ZNF804B: variants seen among roughly 807,000 people sequenced by gnomAD.
ZNF804B encodes zinc finger 804B.
Under a neutral mutation model 101.4 loss-of-function variants are expected in ZNF804B, and 80 were observed. The observed-to-expected ratio is 0.79, with a 90% confidence interval of 0.66 to 0.95. The LOEUF is 0.95. ZNF804B is among the 40% of genes least tolerant of loss of function. The pLI, the probability that ZNF804B is intolerant of heterozygous loss-of-function variation, is 0.00. For missense variants in ZNF804B, 1,673 were observed against 1,561.9 expected (o/e 1.07, Z -1.20); for synonymous variants, 622 against 558.8 (o/e 1.11, Z -1.59).
intron 1 of ZNF804B, among the ~76,000 whole-genome samples, chr7:88,970,323 G>A (rs1322005823): frequency 6.8e-6 from 1 of 147,108 alleles, no homozygotes; most frequent in East Asian, 2.0e-4. Flanking sequence ...AGCCCCACAT[G>A]CATTAGCTAT....
At chr7:89,141,383 A>G (rs551367254) in intron 1 of ZNF804B, among the ~76,000 whole-genome samples, 35 of 152,210 alleles carry the variant, frequency 2.3e-4, no homozygotes, top group Admixed American at 2.6e-4. Context: ...TCTGTGAAGT[A>G]TAATAAAGTG....
intron 1 of ZNF804B, among the ~76,000 whole-genome samples, chr7:89,017,698 A>T (rs1455527893): frequency 1.3e-5 from 2 of 152,020 alleles, no homozygotes. Context: ...AATTTCTTTC[A>T]TCAGTGTTGT....
At chr7:89,015,093 C>T (rs919966961) in intron 1 of ZNF804B, among the ~76,000 whole-genome samples, 4 of 152,074 alleles carry the variant, frequency 2.6e-5, no homozygotes, top group Admixed American at 1.3e-4. Flanking sequence ...CCCAGAACAA[C>T]TTAAGAGGGT....
chr7:89,192,748 C>A (rs1215643299), intron 1 of ZNF804B, among the ~76,000 whole-genome samples: 1 of 151,978 alleles, frequency 6.6e-6, no homozygotes, highest in Non-Finnish European at 1.5e-5. Flanking sequence ...ATGCAAACAT[C>A]CTCAACAAAA....
chr7:89,262,828 A>G (rs1443807418), intron 2 of ZNF804B, among the ~76,000 whole-genome samples: 1 of 152,212 alleles, frequency 6.6e-6, no homozygotes, highest in African/African-American at 2.4e-5. Context: ...TTAGTCTTAT[A>G]TAGGTATAAT....
intron 1 of ZNF804B, among the ~76,000 whole-genome samples, chr7:88,808,158 G>T (rs1026580568): frequency 1.3e-5 from 2 of 152,156 alleles, no homozygotes; most frequent in African/African-American, 4.8e-5. Context: ...TTAGGAGGCT[G>T]AGGCGGGCGG....
At chr7:88,821,317 AC>A (rs2115760004) in intron 1 of ZNF804B, among the ~76,000 whole-genome samples, 1 of 152,290 alleles carries the variant, frequency 6.6e-6, no homozygotes, top group South Asian at 2.1e-4. Flanking sequence ...CTTAAATCCT[AC>A]TTTAAATAAA....
At chr7:89,316,459 AC>A (rs1159904211) in intron 2 of ZNF804B, among the ~76,000 whole-genome samples, 1 of 152,026 alleles carries the variant, frequency 6.6e-6, no homozygotes, top group East Asian at 1.9e-4. Flanking sequence ...GGGGTCCCCA[AC>A]CCTTGGGCCA....
At chr7:89,332,499 A>G (rs151219498) in intron 3 of ZNF804B, among the ~76,000 whole-genome samples, 1 of 151,984 alleles carries the variant, frequency 6.6e-6, no homozygotes, top group African/African-American at 2.4e-5. Context: ...AAATGATGTG[A>G]TTTGTATTGT....
At chr7:88,834,637 T>C (rs1054946947) in intron 1 of ZNF804B, among the ~76,000 whole-genome samples, 1 of 146,102 alleles carries the variant, frequency 6.8e-6, no homozygotes, top group African/African-American at 2.6e-5. Context: ...TTTATTGAAC[T>C]ATACGCTCAC....
intron 1 of ZNF804B, among the ~76,000 whole-genome samples, chr7:88,919,234 A>G (rs572274173): frequency 1.3e-5 from 2 of 152,182 alleles, no homozygotes; most frequent in Admixed American, 6.6e-5. Context: ...CTTAAGCCAT[A>G]CTTACTCACA....
chr7:88,919,338 A>G (rs1792685371), intron 1 of ZNF804B, among the ~76,000 whole-genome samples: 1 of 152,166 alleles, frequency 6.6e-6, no homozygotes, highest in Admixed American at 6.6e-5. Flanking sequence ...AAATAGGAAA[A>G]GAAGTTTTAA....
chr7:89,334,079 C>G lies in ZNF804B; in HGVS notation c.1097C>G (p.Ser366Cys), dbSNP rs1791031998. 6.2e-7 allele frequency: 1 copy of G among 1,613,556 alleles called. No homozygotes were observed. The highest frequency in any genetic ancestry group is 1.3e-5 in the African/African-American group (1 of 74,892). Residue 366 changes from serine (S) to cysteine (C), a missense_variant, in exon 4 of 4, where the codon TCC (serine) becomes TGC (cysteine). By Grantham distance (112) the Ser-to-Cys change is moderately radical (BLOSUM62 -1). Transcript: ENST00000333190. ...AATCACCCATGCCAAGCAAATGCTTCCTTCAGCCCACCAAACATTTACAAC... is the reference window on the plus strand; with the variant it reads ...AATCACCCATGCCAAGCAAATGCTTGCTTCAGCCCACCAAACATTTACAAC... ...CVNHPCQANA[S>C]FSPPNIYNHS...
At chr7:88,947,929 A>G (rs1793161171) in intron 1 of ZNF804B, among the ~76,000 whole-genome samples, 1 of 151,908 alleles carries the variant, frequency 6.6e-6, no homozygotes, top group Non-Finnish European at 1.5e-5. Context: ...ACAATTGTAT[A>G]TGTTTTCACA....
At chr7:89,276,939 T>C (rs1789989958) in intron 2 of ZNF804B, among the ~76,000 whole-genome samples, 1 of 151,606 alleles carries the variant, frequency 6.6e-6, no homozygotes, top group Non-Finnish European at 1.5e-5. Context: ...CTGAAAAATA[T>C]TATGTCTGTG....
chr7:89,172,034 G>T (rs1479659658), intron 1 of ZNF804B, among the ~76,000 whole-genome samples: 2 of 152,034 alleles, frequency 1.3e-5, no homozygotes, highest in African/African-American at 4.8e-5. Context: ...GGGGTGACTG[G>T]CAAAAGATGT....
chr7:88,807,592 T>C (rs1379067856), intron 1 of ZNF804B, among the ~76,000 whole-genome samples: 1 of 152,176 alleles, frequency 6.6e-6, no homozygotes, highest in Non-Finnish European at 1.5e-5. Flanking sequence ...CATTTTTTTT[T>C]CTGAGTAAGT....
intron 1 of ZNF804B, among the ~76,000 whole-genome samples, chr7:89,019,834 TTA>T (rs1788635214): frequency 6.6e-6 from 1 of 152,058 alleles, no homozygotes; most frequent in Admixed American, 6.6e-5. Context: ...TAACTTCACT[TTA>T]TATGTTTCTA....
intron 2 of ZNF804B, among the ~76,000 whole-genome samples, chr7:89,223,216 G>A (rs1027125280): frequency 4.6e-5 from 7 of 151,732 alleles, no homozygotes; most frequent in Admixed American, 2.6e-4. Flanking sequence ...TTCTTCTGTT[G>A]ACCTTCCAAA....
Sources: gnomAD v4.1 joint callset for allele counts (sites outside exome capture counted in the v4.1 genomes callset) on GRCh38, gnomAD v4.1.1 for gene constraint, MANE v1.5 for transcripts, NCBI Gene and HGNC (gene_info 2026-07-23, HGNC 2026-07-21) for gene names.